The following PID1 variants were observed in gnomAD, a reference collection of about 807,000 sequenced individuals.
PID1 encodes PTB-containing, cubilin and LRP1-interacting protein.
Under a neutral mutation model 19.1 loss-of-function variants are expected in PID1, and 10 were observed. The ratio of observed to expected loss-of-function variants is 0.52; its 90% CI spans 0.32 to 0.89. The LOEUF is 0.89. PID1 is among the 40% of genes least tolerant of loss of function. The pLI, the probability that PID1 is intolerant of heterozygous loss-of-function variation, is 0.03. For missense variants in PID1, 248 were observed against 285.3 expected (o/e 0.87, Z 0.94); for synonymous variants, 130 against 116.0 (o/e 1.12, Z -0.78).
chr2:229,117,121 G>A (rs760995454), intron 2 of PID1, among the ~76,000 whole-genome samples: 1 of 151,976 alleles, frequency 6.6e-6, no homozygotes, highest in African/African-American at 2.4e-5. Flanking sequence ...TCTGAGCTCC[G>A]GATCAATACA....
chr2:229,232,367 G>A (rs1692228597), intron 1 of PID1, among the ~76,000 whole-genome samples: 1 of 131,044 alleles, frequency 7.6e-6, no homozygotes, highest in African/African-American at 2.9e-5. Context: ...GTGAGGCAGA[G>A]CCTGCAGTGA....
intron 2 of PID1, among the ~76,000 whole-genome samples, chr2:229,106,124 G>C (rs970274804): frequency 4.1e-5 from 6 of 147,532 alleles, no homozygotes; most frequent in Middle Eastern, 7.0e-3. Flanking sequence ...ATAAACAGAG[G>C]CCAATTATCT....
chr2:229,057,001 T>C (rs1417539865), intron 2 of PID1, among the ~76,000 whole-genome samples: 1 of 149,386 alleles, frequency 6.7e-6, no homozygotes, highest in Non-Finnish European at 1.5e-5. Context: ...AAAAAGAAAG[T>C]AATACAAGCC....
At chr2:229,196,587 T>C (rs1427688148) in intron 1 of PID1, among the ~76,000 whole-genome samples, 1 of 152,108 alleles carries the variant, frequency 6.6e-6, no homozygotes, top group Non-Finnish European at 1.5e-5. Context: ...AGTCAAATTA[T>C]CTTGTTAAAG....
intron 1 of PID1, among the ~76,000 whole-genome samples, chr2:229,263,492 T>C (rs2106293587): frequency 6.6e-6 from 1 of 152,308 alleles, no homozygotes; most frequent in Admixed American, 6.5e-5. Flanking sequence ...AAAACTGGTC[T>C]CTGACAATCC....
intron 2 of PID1, among the ~76,000 whole-genome samples, chr2:229,116,168 A>C (rs1695408143): frequency 1.3e-5 from 2 of 152,144 alleles, no homozygotes; most frequent in Non-Finnish European, 2.9e-5. Flanking sequence ...TGGAGCTTGC[A>C]GTGAGCCGAG....
At chr2:229,143,195 G>C (rs1047289787) in intron 2 of PID1, among the ~76,000 whole-genome samples, 2 of 144,928 alleles carry the variant, frequency 1.4e-5, no homozygotes, top group Non-Finnish European at 3.0e-5. Flanking sequence ...GGGGACTGCT[G>C]TGGGGTAGGG....
chr2:229,064,580 T>C (rs1694280720), intron 2 of PID1, among the ~76,000 whole-genome samples: 1 of 152,132 alleles, frequency 6.6e-6, no homozygotes, highest in Non-Finnish European at 1.5e-5. Context: ...GTCCCAAGAA[T>C]TCATTAAATT....
At chr2:229,158,453 G>A (rs993841718) in intron 1 of PID1, among the ~76,000 whole-genome samples, 1 of 151,982 alleles carries the variant, frequency 6.6e-6, no homozygotes, top group African/African-American at 2.4e-5. Context: ...TTGTCTTCCA[G>A]TAGAATATAA....
chr2:229,147,548 A>G (rs1690160537), intron 2 of PID1, among the ~76,000 whole-genome samples: 1 of 151,962 alleles, frequency 6.6e-6, no homozygotes, highest in Admixed American at 6.6e-5. Flanking sequence ...AATGGATACT[A>G]ATAACATGTT....
chr2:229,061,238 GC>G (rs992718529), intron 2 of PID1, among the ~76,000 whole-genome samples: 30 of 151,970 alleles, frequency 2.0e-4, no homozygotes, highest in African/African-American at 6.8e-4. Context: ...ATAGTTTCAG[GC>G]CTTTCTCTTT....
chr2:229,226,930 T>G (rs1326737385), intron 1 of PID1, among the ~76,000 whole-genome samples: 1 of 152,190 alleles, frequency 6.6e-6, no homozygotes, highest in Non-Finnish European at 1.5e-5. Flanking sequence ...GTTTAGAATT[T>G]TTTTAAAAAA....
At chr2:229,065,425 T>A (rs1219062582) in intron 2 of PID1, among the ~76,000 whole-genome samples, 1 of 152,168 alleles carries the variant, frequency 6.6e-6, no homozygotes, top group Non-Finnish European at 1.5e-5. Context: ...GTAGAAACTG[T>A]TGGCTTCATT....
intron 1 of PID1, among the ~76,000 whole-genome samples, chr2:229,179,323 G>A (rs1467277696): frequency 6.6e-6 from 1 of 152,086 alleles, no homozygotes; most frequent in African/African-American, 2.4e-5. Flanking sequence ...ACAGAAAACA[G>A]AGCCCTTCCA....
At chr2:229,026,266 T>C (rs1044022733) in intron 2 of PID1, among the ~76,000 whole-genome samples, 158 bp from the exon 3 acceptor site, 1 of 152,252 alleles carries the variant, frequency 6.6e-6, no homozygotes, top group Admixed American at 6.5e-5. Flanking sequence ...TCAAAATTTC[T>C]ACCTTTTCTC....
At chr2:229,029,483 C>T (rs1693499361) in intron 2 of PID1, among the ~76,000 whole-genome samples, 1 of 151,964 alleles carries the variant, frequency 6.6e-6, no homozygotes, top group African/African-American at 2.4e-5. Context: ...TGTATCCTGT[C>T]GGTGGGAATT....
chr2:229,092,704 A>T (rs1048706515), intron 2 of PID1, among the ~76,000 whole-genome samples: 4 of 152,182 alleles, frequency 2.6e-5, no homozygotes, highest in Non-Finnish European at 5.9e-5. Context: ...AGCTGGTCCC[A>T]AAAGTGCTCT....
chr2:229,066,360 T>C (rs932526577), intron 2 of PID1, among the ~76,000 whole-genome samples: 1 of 152,108 alleles, frequency 6.6e-6, no homozygotes, highest in Non-Finnish European at 1.5e-5. Context: ...GGGGAGGTAT[T>C]TCAGTGGGAT....
At position 229,271,014 on chromosome 2, in the gene PID1, C is replaced by T; in HGVS notation, c.30G>A (p.Gln10=). The part of the protein sequence containing the change: MWQPATERL[Q]HFQTMLKSKL... ...CCCCCGGCTCCCGGGTGCCCCTTAC[C>T]TGCAGGCGCTCCGTGGCCGGCTGCC... Residue 10 remains glutamine, a splice_region_variant and synonymous_variant, in exon 1 of 3, where the codon CAG becomes CAA. Transcript: ENST00000392055. 6.5e-7 allele frequency: 1 copy of T among 1,543,108 alleles called. No individual in the cohort carries two copies. The highest frequency in any genetic ancestry group is 2.0e-5 in the Admixed American group (1 of 50,410).
Sources: gnomAD v4.1 joint callset for allele counts (sites outside exome capture counted in the v4.1 genomes callset) on GRCh38, gnomAD v4.1.1 for gene constraint, MANE v1.5 for transcripts, NCBI Gene and HGNC (gene_info 2026-07-23, HGNC 2026-07-21) for gene names.